Variants in EFHC2 observed in about 807,000 individuals in gnomAD.
The protein encoded by EFHC2 is EF-hand domain containing 2, also known as EF-hand domain-containing family member C2.
A neutral mutation model predicts 52.7 loss-of-function variants in EFHC2; 18 were observed. The ratio of observed to expected loss-of-function variants is 0.34; its 90% CI spans 0.24 to 0.51. EFHC2 has a LOEUF of 0.51. Among genes scored for constraint, EFHC2 ranks in the 20% least tolerant of loss-of-function variants. EFHC2 has a pLI of 0.97. For missense variants in EFHC2, 513 were observed against 562.5 expected, an observed-to-expected ratio of 0.91 and a Z score of 0.89; for synonymous variants, 203 against 204.1, an observed-to-expected ratio of 0.99 and a Z score of 0.04.
intron 1 of EFHC2, among the ~76,000 whole-genome samples, chrX:44,341,471 C>A (rs2038151297): frequency 8.9e-6 from 1 of 112,322 alleles, no homozygotes; most frequent in Non-Finnish European, 1.9e-5. Context: ...TTTTTTGAGA[C>A]AGGGTCTGGC....
chrX:44,319,379 G>A (rs1051084123), intron 1 of EFHC2, among the ~76,000 whole-genome samples: 1 of 111,491 alleles, frequency 9.0e-6, no homozygotes, highest in African/African-American at 3.3e-5. Context: ...AACTGATTAA[G>A]CAAGCCACAG....
intron 2 of EFHC2, among the ~76,000 whole-genome samples, chrX:44,306,868 A>G (rs928191974): frequency 7.1e-5 from 8 of 112,262 alleles, no homozygotes; most frequent in African/African-American, 1.9e-4. Flanking sequence ...GCAGCAAAGG[A>G]AAGGGAAATG....
At chrX:44,338,728 C>CAA (rs72214962) in intron 1 of EFHC2, among the ~76,000 whole-genome samples, 33,052 of 90,033 alleles carry the variant, frequency 0.37, 4,742 homozygotes, top group South Asian at 0.44. Context: ...TTTTCCTTTT[C>CAA]AAAAAAAAAA....
intron 11 of EFHC2, among the ~76,000 whole-genome samples, chrX:44,207,530 G>GGC (rs1460287683): frequency 9.0e-6 from 1 of 110,619 alleles, no homozygotes; most frequent in Non-Finnish European, 1.9e-5. Context: ...AAAAAAGAAA[G>GGC]GCTTAAATGT....
chrX:44,277,075 C>T (rs1182247830), intron 2 of EFHC2, among the ~76,000 whole-genome samples: 4 of 109,818 alleles, frequency 3.6e-5, no homozygotes, highest in Admixed American at 2.9e-4. Flanking sequence ...CTGGCTAACA[C>T]GGTGAAACGC....
At chrX:44,329,513 G>A (rs1272646277) in intron 1 of EFHC2, among the ~76,000 whole-genome samples, 4 of 111,628 alleles carry the variant, frequency 3.6e-5, no homozygotes, top group Non-Finnish European at 5.6e-5. Context: ...ACAACAGATG[G>A]TGCTTGAGCA....
intron 1 of EFHC2, among the ~76,000 whole-genome samples, chrX:44,313,095 C>CAAAAAAAAAAAAA (rs1276344069): frequency 4.0e-5 from 2 of 50,040 alleles, no homozygotes; most frequent in African/African-American, 6.1e-5. Flanking sequence ...ATGCAAACAG[C>CAAAAAAAAAAAAA]AAAAAAAAAA....
chrX:44,209,417 G>T (rs973277640), intron 11 of EFHC2, among the ~76,000 whole-genome samples: 1 of 110,308 alleles, frequency 9.1e-6, no homozygotes, highest in Non-Finnish European at 1.9e-5. Flanking sequence ...GACCATCAGC[G>T]TAGAAAAACT....
chrX:44,184,782 C>T (rs1264632817), intron 11 of EFHC2, among the ~76,000 whole-genome samples: 1 of 108,749 alleles, frequency 9.2e-6, no homozygotes, highest in African/African-American at 3.4e-5. Context: ...CACTTCTTAA[C>T]CCTTTTCCTG....
chrX:44,215,932 A>G (rs932522219), intron 11 of EFHC2, among the ~76,000 whole-genome samples: 2 of 111,840 alleles, frequency 1.8e-5, no homozygotes, highest in African/African-American at 6.5e-5. Context: ...TTTTAATTAT[A>G]TGTATGACAA....
intron 11 of EFHC2, among the ~76,000 whole-genome samples, chrX:44,205,415 T>TA (rs201911623): frequency 0.23 from 23,628 of 101,981 alleles, 2,195 homozygotes; most frequent in Middle Eastern, 0.31. Context: ...CAAATTAGAT[T>TA]AAAAAAAAAA....
chrX:44,204,253 A>G (rs963893834), intron 11 of EFHC2, among the ~76,000 whole-genome samples: 25 of 107,055 alleles, frequency 2.3e-4, no homozygotes, highest in African/African-American at 7.5e-4. Context: ...AAAAAAAAAA[A>G]GCAGCAACAG....
chrX:44,157,210 TA>T (rs1198790035), intron 14 of EFHC2, among the ~76,000 whole-genome samples: 1 of 112,228 alleles, frequency 8.9e-6, no homozygotes, highest in East Asian at 2.8e-4. Context: ...TGAGGCCACC[TA>T]ACTAGCACAT....
At chrX:44,232,359 A>T in intron 10 of EFHC2, 122 bp downstream of exon 10, 1 of 475,211 alleles carries the variant, frequency 2.1e-6, no homozygotes, top group Non-Finnish European at 3.2e-6. Context: ...ATTCATGCCC[A>T]CATGTGTGAA....
At position 44,181,273 on chromosome X, in the gene EFHC2, G is replaced by A. The variant is rs185916287; in HGVS notation, c.1752-2709C>T. 3.5e-4 allele frequency among the ~76,000 whole-genome samples: 38 copies of A among 109,906 alleles called. No homozygotes were observed. In the South Asian group the frequency reaches 0.013, roughly 37 times the overall value. ...CAATAGTATTATCCTGAATGGTTGAGATGTCTTTTAAAAAAAAGTATTTCC... is the reference window on the plus strand; with the variant it reads ...CAATAGTATTATCCTGAATGGTTGAAATGTCTTTTAAAAAAAAGTATTTCC... On this transcript the variant is annotated intron_variant, in intron 11 of 14. Coordinates refer to ENST00000420999, the MANE Select transcript of EFHC2 (RefSeq NM_025184.4).
chrX:44,247,713 ACTACAGTGAC>A (rs2037411057), intron 7 of EFHC2, among the ~76,000 whole-genome samples: 2 of 111,563 alleles, frequency 1.8e-5, no homozygotes, highest in Non-Finnish European at 3.8e-5. Flanking sequence ...TCCTAAGTCT[ACTACAGTGAC>A]CTACATATAG....
At chrX:44,306,201 T>C (rs1156997541) in intron 2 of EFHC2, among the ~76,000 whole-genome samples, 1 of 111,121 alleles carries the variant, frequency 9.0e-6, no homozygotes, top group Non-Finnish European at 1.9e-5. Flanking sequence ...AGGAGACAGA[T>C]TTGAGTGTTT....
intron 5 of EFHC2, 93 bp downstream of exon 5, chrX:44,250,101 C>G: frequency 9.5e-7 from 1 of 1,052,284 alleles, no homozygotes; most frequent in South Asian, 2.5e-5. Context: ...TGCATGGTTA[C>G]TATCATCATA....
At chrX:44,221,457 C>T (rs1477488656) in intron 11 of EFHC2, among the ~76,000 whole-genome samples, 2 of 112,100 alleles carry the variant, frequency 1.8e-5, no homozygotes, top group Non-Finnish European at 3.8e-5. Flanking sequence ...AATAGCTCTT[C>T]TATAGACTCT....
Sources: gnomAD v4.1 joint callset for allele counts (sites outside exome capture counted in the v4.1 genomes callset) on GRCh38, gnomAD v4.1.1 for gene constraint, MANE v1.5 for transcripts, NCBI Gene and HGNC (gene_info 2026-07-23, HGNC 2026-07-21) for gene names.